SPTA1: variants seen among roughly 807,000 people sequenced by gnomAD.
SPTA1 encodes the protein spectrin alpha, erythrocytic 1.
A neutral mutation model predicts 324.7 loss-of-function variants in SPTA1; 177 were observed. The ratio of observed to expected loss-of-function variants is 0.55; its 90% CI spans 0.48 to 0.62. The LOEUF (loss-of-function observed/expected upper bound fraction) is 0.62. Among genes scored for constraint, SPTA1 ranks in the 20% least tolerant of loss-of-function variants. The pLI is 0.00. For missense variants in SPTA1, 3,162 were observed against 2,883.6 expected, an observed-to-expected ratio of 1.10 and a Z score of -2.21; for synonymous variants, 1,195 against 1,041.3, an observed-to-expected ratio of 1.15 and a Z score of -2.84.
intron 15 of SPTA1, among the ~76,000 whole-genome samples, chr1:158,667,320 G>A (rs959560830): frequency 6.6e-6 from 1 of 152,152 alleles, no homozygotes; most frequent in Non-Finnish European, 1.5e-5. Context: ...AAATATAAGT[G>A]AAGACTCTCC....
At chr1:158,643,742 C>T (rs1335761254) in intron 30 of SPTA1, among the ~76,000 whole-genome samples, 1 of 152,066 alleles carries the variant, frequency 6.6e-6, no homozygotes, top group Non-Finnish European at 1.5e-5. Flanking sequence ...GTTTAGAATG[C>T]TGGATTTAAA....
intron 18 of SPTA1, 123 bp downstream of exon 18, chr1:158,661,164 G>C: frequency 6.9e-7 from 1 of 1,458,734 alleles, no homozygotes; most frequent in South Asian, 1.1e-5. Flanking sequence ...TGCCAAAAGA[G>C]CATTAAGTGG....
At chr1:158,631,287 AC>A (rs997885740) in intron 39 of SPTA1, among the ~76,000 whole-genome samples, 1 of 152,220 alleles carries the variant, frequency 6.6e-6, no homozygotes, top group Non-Finnish European at 1.5e-5. Flanking sequence ...ATGAAACAAA[AC>A]AAAATAATGG....
chr1:158,683,429 A>T lies in SPTA1; in HGVS notation c.332T>A (p.Leu111Gln). 1 of 1,613,446 alleles carries T rather than the reference A, an allele frequency of 6.2e-7. No homozygotes were observed. Among genetic ancestry groups the T allele is most frequent in the Non-Finnish European group, 8.5e-7 (1 of 1,179,558 alleles). Residue 111 changes from leucine (L) to glutamine (Q), a missense_variant, in exon 3 of 52, where the codon CTG (leucine) becomes CAG (glutamine). Coordinates refer to ENST00000643759, the MANE Select transcript of SPTA1 (RefSeq NM_003126.4). ...AAATCGTTCTTCCCTTGTTTTTTCCAGTTCAGACATGAGTCTTGATTTTGT... is the reference window on the plus strand; with the variant it reads ...AAATCGTTCTTCCCTTGTTTTTTCCTGTTCAGACATGAGTCTTGATTTTGT... ...VQTKSRLMSELEKTREERFTM... is the reference protein window; with the variant it reads ...VQTKSRLMSEQEKTREERFTM...
chr1:158,639,524 A>T, intron 35 of SPTA1, 58 bp downstream of exon 35: 1 of 1,557,218 alleles, frequency 6.4e-7, no homozygotes, highest in Non-Finnish European at 8.9e-7. Flanking sequence ...CATGGGAGGG[A>T]GAAGAGCCAG....
Position 158,677,713 on chromosome 1 carries a change from T to A in SPTA1, c.934A>T (p.Asn312Tyr). 2 of 1,613,532 alleles carry A rather than the reference T, an allele frequency of 1.2e-6. No homozygotes were observed. Among genetic ancestry groups the A allele is most frequent in the Non-Finnish European group, 1.7e-6 (2 of 1,179,696 alleles). ...LFHSHKGLER[N>Y]LAVMSDKVKE... ...ACCTTGTCACTCATGACAGCAAGAT[T>A]TCTCTCAAGTCCCTTGTGACTGTGA... Residue 312 changes from asparagine to tyrosine, a missense_variant, in exon 7 of 52, where the codon AAT becomes TAT. Asn to Tyr is a moderately radical substitution (Grantham distance 143). Transcript: ENST00000643759.
At position 158,661,340 on chromosome 1, in the gene SPTA1, T is replaced by C; in HGVS notation, c.2534A>G (p.His845Arg). 1 of 1,613,996 alleles carries C rather than the reference T, an allele frequency of 6.2e-7. No individual in the cohort carries two copies. Among genetic ancestry groups the C allele is most frequent in the South Asian group, 1.1e-5 (1 of 91,080 alleles). ...TGTTATCTCTTGAATGCGTGGTTCA[T>C]GGCTGGCAATGTTCTCCAGGATGAC... Reference protein sequence around the residue: ...HRVILENIASHEPRIQEITER... With the variant: ...HRVILENIASREPRIQEITER... The change falls in exon 18 of 52, where the codon CAT (histidine) becomes CGT (arginine). Residue 845 changes from histidine (H) to arginine (R), a missense_variant. Transcript: ENST00000643759.
intron 18 of SPTA1, among the ~76,000 whole-genome samples, chr1:158,658,089 G>A (rs1249017960): frequency 1.3e-5 from 2 of 152,154 alleles, no homozygotes; most frequent in African/African-American, 4.8e-5. Flanking sequence ...CTAGAAAACA[G>A]GAAAAGCTGT....
At chr1:158,669,814 C>G in intron 12 of SPTA1, 28 bp from the exon 13 acceptor site, 1 of 1,609,476 alleles carries the variant, frequency 6.2e-7, no homozygotes, top group Non-Finnish European at 8.5e-7. Flanking sequence ...AAAATGAATG[C>G]TTTTCCTTCA....
In SPTA1 at chr1:158,611,407, A is replaced by G; in HGVS notation, c.7135-18T>C. ...GTAAGGGCCTGAAAAGTATAAAAAG[A>G]GAAAAATACAGTTATAGGGATTCAA... On this transcript the variant is annotated intron_variant, in intron 51 of 51. Transcript: ENST00000643759. 5 of 1,613,098 alleles carry G rather than the reference A, an allele frequency of 3.1e-6. No homozygotes were observed. Among genetic ancestry groups the G allele is most frequent in the Non-Finnish European group, 3.4e-6 (4 of 1,179,344 alleles).
chr1:158,627,474 C>A (rs916070853), intron 40 of SPTA1, 151 bp downstream of exon 40: 22 of 767,414 alleles, frequency 2.9e-5, no homozygotes, highest in Non-Finnish European at 4.7e-5. Flanking sequence ...TTGCTAACCA[C>A]AACAACAACA....
chr1:158,642,625 C>T lies in SPTA1; in HGVS notation c.4606-83G>A, dbSNP rs1651690834. On this transcript the variant is annotated intron_variant, in intron 32 of 51. Transcript: ENST00000643759. Reference sequence around the variant, plus strand: ...GGTAAATTGTATTTAAAAGGAAGGGCTAATATTTCTATCATAACTGAGGTG... The same window carrying T: ...GGTAAATTGTATTTAAAAGGAAGGGTTAATATTTCTATCATAACTGAGGTG... The T allele has an allele frequency of 3.8e-6, 6 of 1,587,232 alleles. No individual in the cohort carries two copies. The East Asian group carries it at 6.8e-5, about 18-fold the overall frequency.
Position 158,685,298 on chromosome 1 carries a change from T to A in SPTA1, c.74A>T (p.Gln25Leu). Residue 25 changes from glutamine (Q) to leucine (L), a missense_variant, in exon 2 of 52, where the codon CAG (glutamine) becomes CTG (leucine). By Grantham distance (113) the Gln-to-Leu change is moderately radical (BLOSUM62 -2). Coordinates refer to ENST00000643759, the MANE Select transcript of SPTA1 (RefSeq NM_003126.4). The part of the protein sequence containing the change: ...PKVLETAEEI[Q>L]ERRQEVLTRY... ...AGTCAACACTTCCTGACGCCTCTCC[T>A]GGATCTCTTCTGCTGTTTCCAAAAC... 1 of 1,613,864 alleles carries A rather than the reference T, an allele frequency of 6.2e-7. No homozygotes were observed.
At position 158,640,027 on chromosome 1, in the gene SPTA1, G is replaced by C. The variant is rs1018883071; in HGVS notation, c.4738-20C>G. ...TTGCTCCTAACCCAAGGAGAGTGAG[G>C]AGTCATTACAATCTTTAGGATCCCG... On this transcript the variant is annotated intron_variant, in intron 33 of 51. Transcript: ENST00000643759. 1.2e-6 allele frequency: 2 copies of C among 1,613,650 alleles called. No homozygotes were observed. The highest frequency in any genetic ancestry group is 1.7e-6 in the Non-Finnish European group (2 of 1,179,734).
intron 39 of SPTA1, among the ~76,000 whole-genome samples, chr1:158,627,972 G>A (rs1650395067): frequency 6.6e-6 from 1 of 152,132 alleles, no homozygotes; most frequent in African/African-American, 2.4e-5. Context: ...TTTATTATGT[G>A]ACTAATCTTA....
At chr1:158,661,183 G>A in intron 18 of SPTA1, 104 bp downstream of exon 18, 1 of 1,564,180 alleles carries the variant, frequency 6.4e-7, no homozygotes, top group Non-Finnish European at 8.8e-7. Context: ...GGGAAAATGA[G>A]TCAGATATTT....
intron 18 of SPTA1, among the ~76,000 whole-genome samples, chr1:158,660,461 C>A: frequency 6.6e-6 from 1 of 151,972 alleles, no homozygotes; most frequent in African/African-American, 2.4e-5. Flanking sequence ...TTAACTTCAT[C>A]AAAAAGACAT....
rs1002331608 is a variant in SPTA1, at chr1:158,636,539, C to T, written c.5310+102G>A. 3.0e-6 allele frequency: 4 copies of T among 1,334,648 alleles called. No homozygotes were observed. The African/African-American group carries it at 4.4e-5, about 15-fold the overall frequency. 82.7% of individuals were successfully genotyped at this position (1,334,648 alleles called of 1,614,324 possible). On this transcript the variant is annotated intron_variant, in intron 37 of 51. Transcript: ENST00000643759. ...TTTGACTAACTCTCTCTGACCTTGA[C>T]ATCCTATTTTCACGTTTTGTAGCAC...
At chr1:158,644,617 C>G (rs1475317180) in intron 29 of SPTA1, among the ~76,000 whole-genome samples, 1 of 152,192 alleles carries the variant, frequency 6.6e-6, no homozygotes, top group South Asian at 2.1e-4. Context: ...TCCTGGGGTG[C>G]TATTTCCTAT....
Sources: allele counts gnomAD v4.1 joint callset (sites outside exome capture counted in the v4.1 genomes callset), GRCh38; gene constraint gnomAD v4.1.1; transcripts MANE v1.5; gene names NCBI Gene and HGNC (gene_info 2026-07-23, HGNC 2026-07-21).